Variants in SPTLC2 observed in about 807,000 individuals in gnomAD.
SPTLC2 encodes the protein serine palmitoyltransferase long chain base subunit 2, also known as serine palmitoyltransferase 2.
Under a neutral mutation model 62.0 loss-of-function variants are expected in SPTLC2, and 21 were observed. That is an observed-to-expected ratio of 0.34 (90% CI 0.24 to 0.49). The LOEUF is 0.49. SPTLC2 is among the 20% of genes least tolerant of loss of function. The pLI, the probability that SPTLC2 is intolerant of heterozygous loss-of-function variation, is 0.99. For synonymous variants in SPTLC2, 261 were observed against 261.8 expected, an observed-to-expected ratio of 1.00 and a Z score of 0.03; for missense variants, 511 against 713.0, an observed-to-expected ratio of 0.72 and a Z score of 3.23.
Position 77,507,797 on chromosome 14 carries a change from A to C in SPTLC2, c.*4487T>G, listed in dbSNP as rs1317657200. On this transcript the variant is annotated 3_prime_UTR_variant, in exon 12 of 12. Coordinates refer to ENST00000216484, the MANE Select transcript of SPTLC2 (RefSeq NM_004863.4). ...TCTGTAGGTTCTGGGACTGAAAAAAAAAATCCCTGTAAGTTCTTGGCTTAG... is the reference window on the plus strand; with the variant it reads ...TCTGTAGGTTCTGGGACTGAAAAAACAAATCCCTGTAAGTTCTTGGCTTAG... 1 of 152,264 alleles carries C rather than the reference A, an allele frequency of 6.6e-6. No homozygotes were observed. The highest frequency in any genetic ancestry group is 1.5e-5 in the Non-Finnish European group (1 of 68,054). 9.4% of individuals were successfully genotyped at this position (152,264 alleles called of 1,614,324 possible).
chr14:77,518,270 A>C, intron 10 of SPTLC2, 103 bp from the exon 11 acceptor site: 1 of 1,535,230 alleles, frequency 6.5e-7, no homozygotes, highest in Non-Finnish European at 8.9e-7. Context: ...TGATGCAGGC[A>C]TTGGAGACTT....
chr14:77,588,996 CAAAAAAAAAAAAAAAAAAA>C (rs60536883), intron 2 of SPTLC2, among the ~76,000 whole-genome samples: 6 of 74,626 alleles, frequency 8.0e-5, no homozygotes, highest in South Asian at 5.2e-4. Context: ...GACCTTGTCT[CAAAAAAAAAAAAAAAAAAA>C]AAAAAAAAAA....
intron 9 of SPTLC2, among the ~76,000 whole-genome samples, chr14:77,539,205 ATTC>A (rs1347786665): frequency 1.3e-5 from 2 of 151,954 alleles, no homozygotes; most frequent in Admixed American, 6.6e-5. Context: ...TTTAAGGCCT[ATTC>A]TTCTATCATC....
intron 11 of SPTLC2, among the ~76,000 whole-genome samples, chr14:77,516,876 C>T (rs772625563): frequency 7.9e-5 from 12 of 152,154 alleles, no homozygotes; most frequent in East Asian, 1.9e-4. Context: ...GTCAAGTCTT[C>T]GGCTATTCAG....
chr14:77,526,010 A>G (rs922324459), intron 9 of SPTLC2, among the ~76,000 whole-genome samples: 1 of 152,218 alleles, frequency 6.6e-6, no homozygotes, highest in Non-Finnish European at 1.5e-5. Flanking sequence ...TTTGACCTTA[A>G]AGCAGGAAAT....
chr14:77,558,149 GCAATTCTC>G (rs2079594962), intron 6 of SPTLC2, among the ~76,000 whole-genome samples: 1 of 151,642 alleles, frequency 6.6e-6, no homozygotes, highest in African/African-American at 2.4e-5. Context: ...CAAGGTTCAA[GCAATTCTC>G]CTGCCTCAGC....
chr14:77,513,835 C>T (rs1296600421), intron 11 of SPTLC2, among the ~76,000 whole-genome samples: 4 of 143,544 alleles, frequency 2.8e-5, no homozygotes, highest in Non-Finnish European at 4.5e-5. Context: ...GCGGAGGCTG[C>T]GGTGAGTTGA....
rs1216165779 is a variant in SPTLC2, at chr14:77,576,833, G to T, written c.565C>A (p.Gln189Lys). The T allele has an allele frequency of 2.5e-6, 4 of 1,614,180 alleles. No individual in the cohort carries two copies. The South Asian group carries it at 3.3e-5, about 13-fold the overall frequency. Residue 189 changes from glutamine to lysine, a missense_variant, in exon 4 of 12, where the codon CAA becomes AAA. Coordinates refer to ENST00000216484, the MANE Select transcript of SPTLC2 (RefSeq NM_004863.4). ...LGFARNTGSCQEAAAKVLEEY... is the reference protein window; with the variant it reads ...LGFARNTGSCKEAAAKVLEEY... The stretch of plus-strand genomic sequence containing the variant: ...TCAAGGACTTTGGCGGCTGCTTCTT[G>T]ACATGATCCAGTATTCCGTGCAAAT...
At chr14:77,546,895 A>C (rs1483481892) in intron 9 of SPTLC2, among the ~76,000 whole-genome samples, 1 of 152,100 alleles carries the variant, frequency 6.6e-6, no homozygotes, top group Non-Finnish European at 1.5e-5. Context: ...ACGCCCAGCT[A>C]ATTTTCGTAT....
In SPTLC2 at chr14:77,509,982, TAA is replaced by T; in HGVS notation, c.*2300_*2301del. 1 of 398,214 alleles carries T rather than the reference TAA, an allele frequency of 2.5e-6. No homozygotes were observed. Among genetic ancestry groups the T allele is most frequent in the Non-Finnish European group, 4.4e-6 (1 of 225,930 alleles). The allele number at this position is 398,214 out of a possible 1,614,324, so 24.7% of individuals were successfully genotyped here. ...GACTAGCAGGTAAGTTCATTGCTTATAAGTTTGTGACTTTTACAAACCCTACG... is the reference window on the plus strand; with the variant it reads ...GACTAGCAGGTAAGTTCATTGCTTATGTTTGTGACTTTTACAAACCCTACG... On this transcript the variant is annotated 3_prime_UTR_variant, in exon 12 of 12. Coordinates refer to ENST00000216484, the MANE Select transcript of SPTLC2 (RefSeq NM_004863.4).
At chr14:77,531,493 TCCTCCTCCTCCTCC>T (rs2079440112) in intron 9 of SPTLC2, among the ~76,000 whole-genome samples, 1 of 69,288 alleles carries the variant, frequency 1.4e-5, no homozygotes, top group Non-Finnish European at 2.6e-5. Flanking sequence ...CTCCTCCTCC[TCCTCCTCCTCCTCC>T]TCTTCTTCTT....
chr14:77,531,490 T>TCCCCCTCCCCCTCCTCCG (rs1566770811), intron 9 of SPTLC2, among the ~76,000 whole-genome samples: 1 of 66,474 alleles, frequency 1.5e-5, no homozygotes, highest in Non-Finnish European at 2.8e-5. Flanking sequence ...CCCCTCCTCC[T>TCCCCCTCCCCCTCCTCCG]CCTCCTCCTC....
At chr14:77,604,933 T>A (rs2079897445) in intron 1 of SPTLC2, among the ~76,000 whole-genome samples, 1 of 150,164 alleles carries the variant, frequency 6.7e-6, no homozygotes, top group South Asian at 2.1e-4. Flanking sequence ...TGGAAAGCTA[T>A]AAATCAAACT....
chr14:77,567,881 CAGGTTGAATATTCCTTATTCA>C (rs2079654580), intron 5 of SPTLC2, among the ~76,000 whole-genome samples: 1 of 149,016 alleles, frequency 6.7e-6, no homozygotes, highest in Non-Finnish European at 1.5e-5. Flanking sequence ...TTTTCTAATA[CAGGTTGAATATTCCTTATTCA>C]AAATGCTTGG....
chr14:77,555,007 G>C (rs1220202496), intron 8 of SPTLC2: 1 of 410,660 alleles, frequency 2.4e-6, no homozygotes, highest in African/African-American at 2.0e-5. Context: ...CCCAACAGAA[G>C]GCTGGGGCGG....
chr14:77,573,407 A>G (rs1264366038), intron 4 of SPTLC2, among the ~76,000 whole-genome samples: 2 of 152,168 alleles, frequency 1.3e-5, no homozygotes, highest in African/African-American at 4.8e-5. Flanking sequence ...ACTTGATTCT[A>G]TACACATTCT....
At chr14:77,563,719 C>A (rs1020940278) in intron 5 of SPTLC2, among the ~76,000 whole-genome samples, 1 of 152,072 alleles carries the variant, frequency 6.6e-6, no homozygotes, top group Non-Finnish European at 1.5e-5. Context: ...AGACACTGTG[C>A]CTGGCTGAAA....
At position 77,570,399 on chromosome 14, in the gene SPTLC2, A is replaced by T; in HGVS notation, c.741T>A (p.Pro247=). The change falls in exon 5 of 12, where the codon CCT becomes CCA. Residue 247 remains proline, a synonymous_variant. Coordinates refer to ENST00000216484, the MANE Select transcript of SPTLC2 (RefSeq NM_004863.4). ...AGTATCTTACTTTGCCAACAAGAGC[A>T]GGAATGTTCATTGAATTCGTTGCAA... The part of the protein sequence containing the change: ...MGFATNSMNI[P]ALVGKGCLIL... 6.2e-7 allele frequency: 1 copy of T among 1,613,668 alleles called. No homozygotes were observed.
intron 2 of SPTLC2, among the ~76,000 whole-genome samples, chr14:77,580,899 G>A (rs772089800): frequency 6.6e-6 from 1 of 152,186 alleles, no homozygotes; most frequent in Non-Finnish European, 1.5e-5. Context: ...TTCCCAAAAT[G>A]AATTCCTATG....
Sources: allele counts gnomAD v4.1 joint callset (sites outside exome capture counted in the v4.1 genomes callset), GRCh38; gene constraint gnomAD v4.1.1; transcripts MANE v1.5; gene names NCBI Gene and HGNC (gene_info 2026-07-23, HGNC 2026-07-21).